Variants in ANO7 observed in about 807,000 individuals in gnomAD.
ANO7 encodes anoctamin-7.
Under a neutral mutation model 115.8 loss-of-function variants are expected in ANO7, and 114 were observed. The ratio of observed to expected loss-of-function variants is 0.98; its 90% CI spans 0.85 to 1.15. The LOEUF (loss-of-function observed/expected upper bound fraction) is 1.15, where lower values mean the gene tolerates loss of function less well. ANO7 is among the 50% of genes most tolerant of loss of function. The pLI, the probability that ANO7 is intolerant of heterozygous loss-of-function variation, is 0.00. For synonymous variants in ANO7, 550 were observed against 498.2 expected, an observed-to-expected ratio of 1.10 and a Z score of -1.38; for missense variants, 1,302 against 1,201.2, an observed-to-expected ratio of 1.08 and a Z score of -1.24.
chr2:241,213,565 C>T (rs1324054617), intron 17 of ANO7, among the ~76,000 whole-genome samples: 1 of 152,196 alleles, frequency 6.6e-6, no homozygotes, highest in Non-Finnish European at 1.5e-5. Context: ...ACAGCCCCTC[C>T]AAGACACCGT....
At chr2:241,238,421 T>C in the ANO7 span, 1 of 369,514 alleles carries the variant, frequency 2.7e-6, no homozygotes, top group East Asian at 4.0e-5. The surrounding 1 kb of genome is among the most constrained non-coding windows in gnomAD (Gnocchi z 4.9). Context: ...CTGGCTACCT[T>C]GTGTGTCTCT....
downstream of ANO7, chr2:241,227,667 T>C (rs1450901422): frequency 6.6e-6 from 1 of 152,608 alleles, no homozygotes; most frequent in Non-Finnish European, 1.5e-5. Flanking sequence ...AGAATTAAAA[T>C]TGACCTTTGG....
the ANO7 span, among the ~76,000 whole-genome samples, chr2:241,237,217 G>A: frequency 1.3e-5 from 2 of 152,200 alleles, no homozygotes; most frequent in Non-Finnish European, 1.5e-5. Context: ...AGGAGAGGCA[G>A]TGGGAAGGGG....
At chr2:241,226,103 C>T (rs992519344), downstream of ANO7, among the ~76,000 whole-genome samples, 6 of 152,096 alleles carry the variant, frequency 3.9e-5, no homozygotes, top group East Asian at 1.9e-4. Context: ...GGAAGCTCCC[C>T]GATGCCCACG....
At chr2:241,209,834 G>C (rs1434598080) in intron 13 of ANO7, among the ~76,000 whole-genome samples, 199 bp downstream of exon 13, 2 of 152,194 alleles carry the variant, frequency 1.3e-5, no homozygotes, top group Non-Finnish European at 2.9e-5. Flanking sequence ...CATACGGAGG[G>C]CCTGGGAGGG....
intron 10 of ANO7, among the ~76,000 whole-genome samples, chr2:241,207,043 T>C (rs2068609226): frequency 9.4e-6 from 1 of 106,852 alleles, no homozygotes. Flanking sequence ...TGGACAGGAG[T>C]GCTCCCAGGC....
downstream of ANO7, chr2:241,230,039 C>T: frequency 6.3e-7 from 1 of 1,578,282 alleles, no homozygotes. The surrounding 1 kb of genome is among the most constrained non-coding windows in gnomAD (Gnocchi z 5.0). Context: ...ACCCCTGCAC[C>T]TCGCCTGCCT....
intron 13 of ANO7, among the ~76,000 whole-genome samples, 165 bp from the exon 14 acceptor site, chr2:241,210,130 G>A (rs1442940665): frequency 1.3e-5 from 2 of 152,224 alleles, no homozygotes; most frequent in African/African-American, 2.4e-5. Flanking sequence ...TCATCAGGAA[G>A]GACATAGCCT....
intron 19 of ANO7, 126 bp from the exon 20 acceptor site, chr2:241,217,559 TG>T (rs1220074331): frequency 1.9e-6 from 2 of 1,080,542 alleles, no homozygotes; most frequent in Non-Finnish European, 2.7e-6. Flanking sequence ...GACCAGGAGG[TG>T]GGGGCGGAAT....
In ANO7 at chr2:241,212,323, C is replaced by T. The variant is rs1180335402; in HGVS notation, c.1673+118C>T. Reference sequence around the variant, plus strand: ...TGCTCAGGCAGGTGGAGGACGGAACCGGAGACCCAGGCAGGGGACAGGGGC... The same window carrying T: ...TGCTCAGGCAGGTGGAGGACGGAACTGGAGACCCAGGCAGGGGACAGGGGC... On this transcript the variant is annotated intron_variant, in intron 16 of 24. Transcript: ENST00000674324. 49 of 1,104,590 alleles carry T rather than the reference C, an allele frequency of 4.4e-5. 1 individual carries two copies. Among genetic ancestry groups the T allele is most frequent in the South Asian group, 2.9e-4 (22 of 75,556 alleles). 68.4% of individuals were successfully genotyped at this position (1,104,590 alleles called of 1,614,324 possible). A position where few individuals can be genotyped will look rare whatever the true frequency, so the allele number is the denominator to read the frequency against.
At chr2:241,199,501 A>T in intron 5 of ANO7, 78 bp downstream of exon 5, 1 of 1,439,392 alleles carries the variant, frequency 6.9e-7, no homozygotes, top group African/African-American at 1.4e-5. Flanking sequence ...CAGTGCCGAC[A>T]GCCTCAGGAG....
At position 241,224,143 on chromosome 2, in the gene ANO7, T is replaced by G. The variant is rs181722382; in HGVS notation, c.2630T>G (p.Leu877Arg). Residue 877 changes from leucine to arginine, a missense_variant, in exon 25 of 25, where the codon CTG becomes CGG. Transcript: ENST00000674324. ...TTCACGGTTCCCAAGGCCAGCCAGC[T>G]GCAGCAGTGACGCCTGGAAGGACAT... is the stretch of plus-strand genomic sequence containing the variant. ...TPFTVPKASQ[L>R]QQ The G allele has an allele frequency of 3.1e-6, 5 of 1,599,604 alleles. No individual in the cohort carries two copies. In the Admixed American group the frequency reaches 5.0e-5, roughly 16 times the overall value.
rs755192613 is a variant in ANO7 at position 241,217,911 on chromosome 2, G to A, written c.2178+20G>A. The A allele has an allele frequency of 8.7e-6, 12 of 1,376,192 alleles. No individual in the cohort carries two copies. Among genetic ancestry groups the A allele is most frequent in the Non-Finnish European group, 1.1e-5 (12 of 1,049,374 alleles). 85.2% of individuals were successfully genotyped at this position (1,376,192 alleles called of 1,614,324 possible). On this transcript the variant is annotated intron_variant, in intron 20 of 24. Transcript: ENST00000674324. The stretch of plus-strand genomic sequence containing the variant: ...AGCAACGTGAGGCCCGGGCGGGAGC[G>A]CGGGGCGGGGCGGGGGCGCGCAGGG...
chr2:241,201,010 C>T (rs929271177), intron 6 of ANO7, among the ~76,000 whole-genome samples: 1 of 152,242 alleles, frequency 6.6e-6, no homozygotes, highest in Non-Finnish European at 1.5e-5. Context: ...TTTGCTTCCC[C>T]CCACCCTGTG....
At chr2:241,231,088 A>G in the ANO7 span, 1 of 711,998 alleles carries the variant, frequency 1.4e-6, no homozygotes, top group Non-Finnish European at 2.3e-6. Context: ...CAAGAGGTTA[A>G]CAATGTCCAC....
At position 241,209,406 on chromosome 2, in the gene ANO7, G is replaced by A. The variant is rs2068667668; in HGVS notation, c.1199G>A (p.Cys400Tyr). The A allele has an allele frequency of 2.5e-6, 4 of 1,587,536 alleles. No homozygotes were observed. Among genetic ancestry groups the A allele is most frequent in the Non-Finnish European group, 3.4e-6 (4 of 1,167,840 alleles). The change falls in exon 12 of 25, where the codon TGC becomes TAC. Residue 400 changes from cysteine to tyrosine, a missense_variant. Transcript: ENST00000674324. ...KSATLAYRWD[C>Y]SDYEDTEERP... ...GCCACGCTGGCCTACCGCTGGGACT[G>A]CTCTGACTACGAGGACACTGAGGTG...
chr2:241,207,577 G>A lies in ANO7; in HGVS notation c.984G>A (p.Gln328=), dbSNP rs781487075. ...CCCTCCGCTCCATGCCTTGCAGGCA[G>A]GAACTGTGTGGCAGCAAGGACAGCT... The part of the protein sequence containing the change: ...CFLVFSDIPT[Q]ELCGSKDSFE... Residue 328 remains glutamine, a synonymous_variant, in exon 11 of 25, where the codon CAG becomes CAA. Coordinates refer to ENST00000674324, the MANE Select transcript of ANO7 (RefSeq NM_001370694.2). 1.1e-5 allele frequency: 18 copies of A among 1,613,284 alleles called. No individual in the cohort carries two copies. The East Asian group carries it at 3.6e-4, about 32-fold the overall frequency.
chr2:241,216,283 A>G, intron 19 of ANO7, 45 bp downstream of exon 19: 1 of 1,500,960 alleles, frequency 6.7e-7, no homozygotes, highest in Non-Finnish European at 8.9e-7. Flanking sequence ...CGCCGTGGGC[A>G]GGGATGGGTG....
rs201441589 is a variant in ANO7 at position 241,202,229 on chromosome 2, C to G, written c.648C>G (p.His216Gln). The G allele has an allele frequency of 1.0e-4, 168 of 1,613,838 alleles. 1 individual carries two copies. The East Asian group carries it at 2.5e-3, about 24-fold the overall frequency. The change falls in exon 8 of 25, where the codon CAC becomes CAG. Residue 216 changes from histidine to glutamine, a missense_variant. Coordinates refer to ENST00000674324, the MANE Select transcript of ANO7 (RefSeq NM_001370694.2). Reference protein sequence around the residue: ...FEILAKTPYGHEKKNLLGIHQ... With the variant: ...FEILAKTPYGQEKKNLLGIHQ... The stretch of plus-strand genomic sequence containing the variant: ...TCCTGGCCAAGACCCCGTATGGCCA[C>G]GAGAAGAAAAACCTGCTTGGGATCC...
Sources: allele counts gnomAD v4.1 joint callset (sites outside exome capture counted in the v4.1 genomes callset), GRCh38; gene constraint gnomAD v4.1.1; non-coding constraint Gnocchi (gnomAD v3.1); transcripts MANE v1.5; gene names NCBI Gene and HGNC (gene_info 2026-07-23, HGNC 2026-07-21).